The following CAMK1D variants were observed in gnomAD, a reference collection of about 807,000 sequenced individuals.
CAMK1D encodes calcium/calmodulin dependent protein kinase ID, also known as calcium/calmodulin-dependent protein kinase type 1D.
Under a neutral mutation model 47.7 loss-of-function variants are expected in CAMK1D, and 9 were observed. The ratio of observed to expected loss-of-function variants is 0.19; its 90% CI spans 0.11 to 0.33. The LOEUF (loss-of-function observed/expected upper bound fraction) is 0.33. Among genes scored for constraint, CAMK1D ranks in the 10% least tolerant of loss-of-function variants. The pLI is 1.00. For synonymous variants in CAMK1D, 184 were observed against 184.9 expected, an observed-to-expected ratio of 0.99 and a Z score of 0.04; for missense variants, 291 against 488.7, an observed-to-expected ratio of 0.60 and a Z score of 3.81.
chr10:12,731,576 C>G (rs1231697148), intron 3 of CAMK1D, among the ~76,000 whole-genome samples: 1 of 152,156 alleles, frequency 6.6e-6, no homozygotes, highest in South Asian at 2.1e-4. Context: ...TTGGGTCTAA[C>G]CAGAGCCATG....
intron 1 of CAMK1D, among the ~76,000 whole-genome samples, chr10:12,506,305 A>G (rs935563520): frequency 4.6e-5 from 7 of 152,096 alleles, no homozygotes; most frequent in Admixed American, 4.6e-4. Context: ...CTGTAATTCC[A>G]GCTACTCAGG....
intron 1 of CAMK1D, among the ~76,000 whole-genome samples, chr10:12,540,966 C>T (rs1200530653): frequency 6.8e-6 from 1 of 147,992 alleles, no homozygotes; most frequent in African/African-American, 2.5e-5. Context: ...ATACTTTTAG[C>T]TTAAGCGTTA....
chr10:12,535,058 G>A (rs112569863), intron 1 of CAMK1D, among the ~76,000 whole-genome samples: 63 of 152,320 alleles, frequency 4.1e-4, no homozygotes, highest in African/African-American at 8.7e-4. Flanking sequence ...CCCTGGTGAC[G>A]TCAGGGTCCT....
chr10:12,435,117 G>A (rs920366459), intron 1 of CAMK1D, among the ~76,000 whole-genome samples: 7 of 151,650 alleles, frequency 4.6e-5, no homozygotes, highest in Admixed American at 2.6e-4. Flanking sequence ...CAGCTACTCC[G>A]GAGGCTGAGG....
At chr10:12,389,174 A>G (rs1838629639) in intron 1 of CAMK1D, among the ~76,000 whole-genome samples, 1 of 126,028 alleles carries the variant, frequency 7.9e-6, no homozygotes, top group African/African-American at 2.6e-5. Context: ...AGTGTTCTCT[A>G]TGCTAGGGTG....
chr10:12,592,492 G>GT (rs1391457962), intron 2 of CAMK1D, among the ~76,000 whole-genome samples: 2 of 152,186 alleles, frequency 1.3e-5, no homozygotes, highest in Non-Finnish European at 2.9e-5. Context: ...GGCCAGCGTG[G>GT]TATTTAGAGG....
At chr10:12,682,205 G>A (rs1832472154) in intron 3 of CAMK1D, among the ~76,000 whole-genome samples, 1 of 150,550 alleles carries the variant, frequency 6.6e-6, no homozygotes, top group East Asian at 1.9e-4. Flanking sequence ...GGGCGACAGA[G>A]TGAGACTCCA....
intron 1 of CAMK1D, among the ~76,000 whole-genome samples, chr10:12,361,248 G>GTTCTTTTT (rs1837650985): frequency 8.3e-6 from 1 of 120,078 alleles, no homozygotes. Context: ...CTATTTGACT[G>GTTCTTTTT]TTTTTTTTTT....
chr10:12,387,586 A>C (rs1332109938), intron 1 of CAMK1D, among the ~76,000 whole-genome samples: 1 of 147,788 alleles, frequency 6.8e-6, no homozygotes, highest in African/African-American at 2.5e-5. Context: ...GGCTCACTGC[A>C]ACTTCCACCC....
chr10:12,808,050 C>T (rs1327734718), intron 6 of CAMK1D, among the ~76,000 whole-genome samples: 1 of 152,218 alleles, frequency 6.6e-6, no homozygotes, highest in Non-Finnish European at 1.5e-5. Context: ...GCTGCTCTTC[C>T]ATGCTGGAAT....
At chr10:12,679,429 T>G (rs1840918095) in intron 3 of CAMK1D, among the ~76,000 whole-genome samples, 1 of 152,176 alleles carries the variant, frequency 6.6e-6, no homozygotes, top group Admixed American at 6.5e-5. Context: ...AAAATACGGA[T>G]AGTATCACCA....
intron 2 of CAMK1D, among the ~76,000 whole-genome samples, chr10:12,591,641 TTCTC>T (rs1295727805): frequency 3.9e-5 from 6 of 152,220 alleles, no homozygotes; most frequent in South Asian, 2.1e-4. Context: ...CACTTGACTG[TTCTC>T]TCTGTTTCTG....
chr10:12,705,283 G>A (rs1588827222), intron 3 of CAMK1D, among the ~76,000 whole-genome samples: 3 of 152,026 alleles, frequency 2.0e-5, no homozygotes, highest in Middle Eastern at 3.4e-3. Flanking sequence ...CAACATGGTG[G>A]AACCTCGTCT....
At position 12,502,686 on chromosome 10, in the gene CAMK1D, C is replaced by T. The variant is rs115655486; in HGVS notation, c.93-50539C>T. 3.9e-3 allele frequency among the ~76,000 whole-genome samples: 599 copies of T among 152,334 alleles called. 3 individuals carry two copies. The highest frequency in any genetic ancestry group is 0.014 in the African/African-American group (584 of 41,572). ...TGCTTGCTCTTTAGCCATGGCCACT[C>T]TCGTTCCAGGTATAAGGCTGGTCAG... On this transcript the variant is annotated intron_variant, in intron 1 of 10. Transcript: ENST00000619168.
At chr10:12,467,790 G>A (rs1833635628) in intron 1 of CAMK1D, among the ~76,000 whole-genome samples, 1 of 152,170 alleles carries the variant, frequency 6.6e-6, no homozygotes, top group Admixed American at 6.5e-5. Context: ...GTAATCATTT[G>A]TAGGTAGGAT....
intron 2 of CAMK1D, among the ~76,000 whole-genome samples, chr10:12,570,408 G>C (rs1282410985): frequency 6.6e-6 from 1 of 152,002 alleles, no homozygotes; most frequent in Non-Finnish European, 1.5e-5. Flanking sequence ...GCTGGGCGCA[G>C]TGGCTCACAC....
intron 2 of CAMK1D, among the ~76,000 whole-genome samples, chr10:12,635,613 G>T (rs1220039419): frequency 6.6e-6 from 1 of 152,078 alleles, no homozygotes; most frequent in Non-Finnish European, 1.5e-5. Flanking sequence ...CAGATCTATC[G>T]GTTCATGGCT....
chr10:12,774,957 C>G (rs1269596627), intron 5 of CAMK1D, among the ~76,000 whole-genome samples: 2 of 152,252 alleles, frequency 1.3e-5, no homozygotes, highest in Non-Finnish European at 2.9e-5. Context: ...CTCTAGGACA[C>G]GAGCTGGGAT....
chr10:12,689,609 T>G (rs544138788), intron 3 of CAMK1D, among the ~76,000 whole-genome samples: 1 of 152,084 alleles, frequency 6.6e-6, no homozygotes, highest in Non-Finnish European at 1.5e-5. Flanking sequence ...AAACCCCATC[T>G]CTACTAAAAA....
Sources: allele counts gnomAD v4.1 joint callset (sites outside exome capture counted in the v4.1 genomes callset), GRCh38; gene constraint gnomAD v4.1.1; transcripts MANE v1.5; gene names NCBI Gene and HGNC (gene_info 2026-07-23, HGNC 2026-07-21).